CRACDL: variants seen among roughly 807,000 people sequenced by gnomAD.
The protein encoded by CRACDL is CRACD-like protein.
Under a neutral mutation model 70.6 loss-of-function variants are expected in CRACDL, and 26 were observed. That is an observed-to-expected ratio of 0.37 (90% CI 0.27 to 0.51). CRACDL has a LOEUF of 0.51. Ranked by LOEUF, CRACDL falls within the 20% of genes least tolerant of loss-of-function variation. The probability of loss-of-function intolerance (pLI) is 0.94; values close to 1 mark genes in which losing one functional copy is unlikely to be tolerated. For missense variants in CRACDL, 1,283 were observed against 1,376.9 expected (o/e 0.93, Z 1.08); for synonymous variants, 618 against 615.2 (o/e 1.00, Z -0.07).
chr2:98,903,682 C>G (rs1269808031), intron 1 of CRACDL, among the ~76,000 whole-genome samples: 1 of 152,196 alleles, frequency 6.6e-6, no homozygotes. Context: ...CCATTTGCAT[C>G]TGATTAACCT....
intron 1 of CRACDL, among the ~76,000 whole-genome samples, chr2:98,923,422 C>T (rs752164876): frequency 1.6e-4 from 24 of 152,086 alleles, no homozygotes; most frequent in Non-Finnish European, 2.9e-4. Context: ...ATTGCAGAAG[C>T]GCTGTGGTCC....
chr2:98,906,323 G>A (rs141122786), intron 1 of CRACDL, among the ~76,000 whole-genome samples: 4,189 of 149,628 alleles, frequency 0.028, 82 homozygotes, highest in Middle Eastern at 0.065. Flanking sequence ...GTGCAGTGGC[G>A]CAATCTTGGC....
rs188893969 is a variant in CRACDL at position 98,935,136 on chromosome 2, A to C, written c.-11+802T>G. Among the ~76,000 whole-genome samples the C allele has an allele frequency of 9.1e-4, 138 of 152,334 alleles. 1 individual carries two copies. The highest frequency in any genetic ancestry group is 3.4e-3 in the Middle Eastern group (1 of 294). On this transcript the variant is annotated intron_variant, in intron 1 of 9. Coordinates refer to ENST00000397899, the MANE Select transcript of CRACDL (RefSeq NM_207362.3). ...AAATGAAGGAAGCCTGCAGGCTCCA[A>C]TAACCTAGTAGGATACCTTAAGACC... is the stretch of plus-strand genomic sequence containing the variant.
rs554253384 is a variant in CRACDL, at chr2:98,906,135, G to A, written c.-11+29803C>T. 1.1e-4 allele frequency among the ~76,000 whole-genome samples: 16 copies of A among 152,008 alleles called. No individual in the cohort carries two copies. The South Asian group carries it at 2.5e-3, about 24-fold the overall frequency. Reference sequence around the variant, plus strand: ...TCTGCTAATTTCTTTTCAGTGTTTCGTCACTCTGTGACTCAGTTTGAATGG... The same window carrying A: ...TCTGCTAATTTCTTTTCAGTGTTTCATCACTCTGTGACTCAGTTTGAATGG... On this transcript the variant is annotated intron_variant, in intron 1 of 9. Transcript: ENST00000397899.
intron 7 of CRACDL, among the ~76,000 whole-genome samples, chr2:98,802,721 TG>T (rs1164215391): frequency 6.6e-6 from 1 of 152,218 alleles, no homozygotes; most frequent in Non-Finnish European, 1.5e-5. Context: ...ACCCCAATGG[TG>T]GGCCACACCC....
chr2:98,861,046 A>G (rs2104572003), intron 1 of CRACDL, among the ~76,000 whole-genome samples: 1 of 152,340 alleles, frequency 6.6e-6, no homozygotes, highest in African/African-American at 2.4e-5. Flanking sequence ...CCTCTTAGTC[A>G]CTAGAAAATT....
At chr2:98,931,463 G>A (rs1709072377) in intron 1 of CRACDL, among the ~76,000 whole-genome samples, 1 of 152,080 alleles carries the variant, frequency 6.6e-6, no homozygotes, top group Non-Finnish European at 1.5e-5. Context: ...TAGTTTCTTG[G>A]AAACTGCACA....
At chr2:98,925,532 T>C (rs952888707) in intron 1 of CRACDL, among the ~76,000 whole-genome samples, 3 of 152,164 alleles carry the variant, frequency 2.0e-5, no homozygotes, top group Non-Finnish European at 4.4e-5. Context: ...ACAACAGTAC[T>C]GAAACCGACA....
At chr2:98,926,822 C>T (rs1372586289) in intron 1 of CRACDL, among the ~76,000 whole-genome samples, 1 of 152,214 alleles carries the variant, frequency 6.6e-6, no homozygotes, top group Non-Finnish European at 1.5e-5. Context: ...CCCACGCCTG[C>T]AGCGAAGGGT....
chr2:98,904,197 A>T (rs887104092), intron 1 of CRACDL, among the ~76,000 whole-genome samples: 1 of 151,998 alleles, frequency 6.6e-6, no homozygotes, highest in Non-Finnish European at 1.5e-5. Flanking sequence ...CTTTCCACGC[A>T]CCCTCCACTG....
chr2:98,823,047 C>T lies in CRACDL; in HGVS notation c.1226G>A (p.Gly409Glu). ...ASPFPTAIPE[G>E]DTTPPETDPA... is the part of the protein sequence containing the mutation. The stretch of plus-strand genomic sequence containing the variant: ...GTCAGTCTCGGGGGGAGTCGTGTCC[C>T]CCTCAGGGATGGCGGTGGGAAACGG... Residue 409 changes from glycine (G) to glutamate (E), a missense_variant, in exon 7 of 10, where the codon GGG becomes GAG. Physicochemically the swap from Gly to Glu is moderately conservative, Grantham distance 98 (BLOSUM62 -2). Transcript: ENST00000397899. The surrounding 1 kb of genome is among the most constrained non-coding windows in gnomAD (Gnocchi z 4.0). 1 of 1,541,176 alleles carries T rather than the reference C, an allele frequency of 6.5e-7. No individual in the cohort carries two copies. Among genetic ancestry groups the T allele is most frequent in the Non-Finnish European group, 8.8e-7 (1 of 1,142,476 alleles).
At chr2:98,893,781 C>T (rs1339430084) in intron 1 of CRACDL, among the ~76,000 whole-genome samples, 1 of 152,228 alleles carries the variant, frequency 6.6e-6, no homozygotes, top group African/African-American at 2.4e-5. Flanking sequence ...TTCTGTCCCC[C>T]TCATTTTGAA....
At chr2:98,797,899 T>C (rs1703897408) in intron 7 of CRACDL, among the ~76,000 whole-genome samples, 1 of 152,196 alleles carries the variant, frequency 6.6e-6, no homozygotes, top group African/African-American at 2.4e-5. Context: ...CAAATGCTGA[T>C]TCCTGCTCAA....
chr2:98,918,851 T>C (rs1708732500), intron 1 of CRACDL, among the ~76,000 whole-genome samples: 1 of 152,218 alleles, frequency 6.6e-6, no homozygotes, highest in Non-Finnish European at 1.5e-5. Flanking sequence ...ATTGGATACA[T>C]AGTTTGTAAA....
chr2:98,901,780 C>T (rs1448765254), intron 1 of CRACDL, among the ~76,000 whole-genome samples: 3 of 152,138 alleles, frequency 2.0e-5, no homozygotes, highest in Non-Finnish European at 4.4e-5. Context: ...ATCAAGCGAC[C>T]TGATGCCAGT....
chr2:98,901,763 G>GGTGT (rs1357067305), intron 1 of CRACDL, among the ~76,000 whole-genome samples: 1 of 152,120 alleles, frequency 6.6e-6, no homozygotes, highest in Non-Finnish European at 1.5e-5. Context: ...AACCCCCCTG[G>GGTGT]GTGTGCATCA....
At chr2:98,796,938 G>A (rs1385902191) in intron 8 of CRACDL, among the ~76,000 whole-genome samples, 1 of 152,164 alleles carries the variant, frequency 6.6e-6, no homozygotes, top group Non-Finnish European at 1.5e-5. Flanking sequence ...CAAAGAGCAG[G>A]GCTCGCTCCT....
chr2:98,863,577 A>T (rs1052265285), intron 1 of CRACDL, among the ~76,000 whole-genome samples: 20 of 152,130 alleles, frequency 1.3e-4, no homozygotes, highest in Non-Finnish European at 2.6e-4. Context: ...GCACTTTTTT[A>T]AAAAAAGAGG....
chr2:98,907,027 C>T (rs1219326787), intron 1 of CRACDL, among the ~76,000 whole-genome samples: 1 of 152,178 alleles, frequency 6.6e-6, no homozygotes, highest in African/African-American at 2.4e-5. Context: ...TGCAGTGGCT[C>T]ACAACTGTAA....
Sources: allele counts gnomAD v4.1 joint callset (sites outside exome capture counted in the v4.1 genomes callset), GRCh38; gene constraint gnomAD v4.1.1; non-coding constraint Gnocchi (gnomAD v3.1); transcripts MANE v1.5; gene names NCBI Gene and HGNC (gene_info 2026-07-23, HGNC 2026-07-21).